The following GPAM variants were observed in gnomAD, a reference collection of about 807,000 sequenced individuals.
GPAM encodes the protein glycerol-3-phosphate acyltransferase 1, mitochondrial.
GPAM carries 56 observed loss-of-function variants against 105.0 expected under a neutral mutation model. The observed-to-expected ratio is 0.53, with a 90% CI of 0.43 to 0.67. The LOEUF (loss-of-function observed/expected upper bound fraction) is 0.67, where lower values mean the gene tolerates loss of function less well. GPAM is among the 30% of genes least tolerant of loss of function. GPAM has a pLI of 0.00. For synonymous variants in GPAM, 368 were observed against 354.4 expected (o/e 1.04, Z -0.43); for missense variants, 855 against 989.8 (o/e 0.86, Z 1.83).
rs1442356618 is a variant in GPAM, at chr10:112,207,268, G to A, written n.210+7900C>T. Among the ~76,000 whole-genome samples the A allele has an allele frequency of 7.9e-5, 12 of 152,192 alleles. 1 individual carries two copies. Among genetic ancestry groups the A allele is most frequent in the African/African-American group, 2.4e-4 (10 of 41,446 alleles). ...CACGAAAAGACTTATCTGATATATAGCACCTATAGGGCCAAGGTTGACCCA... is the reference window on the plus strand; with the variant it reads ...CACGAAAAGACTTATCTGATATATAACACCTATAGGGCCAAGGTTGACCCA... On this transcript the variant is annotated intron_variant and non_coding_transcript_variant, in intron 1 of 3. Coordinates refer to the GPAM transcript ENST00000480130.
chr10:112,218,548 G>A (rs1847992656), upstream of GPAM, among the ~76,000 whole-genome samples: 1 of 152,234 alleles, frequency 6.6e-6, no homozygotes, highest in Non-Finnish European at 1.5e-5. Flanking sequence ...GAGGGTTCTT[G>A]GTGCAAGAAA....
At chr10:112,172,777 T>C (rs1445137686) in intron 8 of GPAM, among the ~76,000 whole-genome samples, 193 bp downstream of exon 8, 1 of 152,214 alleles carries the variant, frequency 6.6e-6, no homozygotes, top group Admixed American at 6.5e-5. Flanking sequence ...GAATCCTGCA[T>C]ATTGCTAGTA....
In GPAM at chr10:112,159,988, G is replaced by A; in HGVS notation, c.1825C>T (p.Leu609=). 5 of 1,613,932 alleles carry A rather than the reference G, an allele frequency of 3.1e-6. No individual in the cohort carries two copies. The highest frequency in any genetic ancestry group is 4.2e-6 in the Non-Finnish European group (5 of 1,179,812). Residue 609 remains leucine, a synonymous_variant, in exon 17 of 22, where the codon CTG becomes TTG. Coordinates refer to ENST00000348367, the MANE Select transcript of GPAM (RefSeq NM_001244949.2). The stretch of plus-strand genomic sequence containing the variant: ...CGCACCAGCTGCTCCTGGCTGATCA[G>A]GTTAGGTGGGGTGCTAGTGGGACCC... The part of the protein sequence containing the change: ...LGGPTSTPPN[L]ISQEQLVRKA...
rs558064536 is a variant in GPAM at position 112,156,159 on chromosome 10, C to A, written c.2122-106G>T. ...AGAGCCAGTAACGTGAGAAGATGGC[C>A]ACTCACATCAGCACTACATGAAAGC... On this transcript the variant is annotated intron_variant, in intron 19 of 21. Coordinates refer to ENST00000348367, the MANE Select transcript of GPAM (RefSeq NM_001244949.2). 2.1e-5 allele frequency: 16 copies of A among 751,654 alleles called. No homozygotes were observed. In the African/African-American group the frequency reaches 2.7e-4, roughly 13 times the overall value. 46.6% of individuals were successfully genotyped at this position (751,654 alleles called of 1,614,324 possible). A position where few individuals can be genotyped will look rare whatever the true frequency, so the allele number is the denominator to read the frequency against.
intron 1 of GPAM, chr10:112,214,265 T>C (rs936281298): frequency 1.3e-5 from 2 of 152,230 alleles, no homozygotes; most frequent in African/African-American, 4.8e-5. Context: ...GCATGGTTAT[T>C]TCTTAACCTG....
Position 112,151,054 on chromosome 10 carries a change from A to T in GPAM, c.*2496T>A. 2 of 985,334 alleles carry T rather than the reference A, an allele frequency of 2.0e-6. No individual in the cohort carries two copies. Among genetic ancestry groups the T allele is most frequent in the Non-Finnish European group, 2.4e-6 (2 of 829,626 alleles). 61.0% of individuals were successfully genotyped at this position (985,334 alleles called of 1,614,324 possible). A position where few individuals can be genotyped will look rare whatever the true frequency, so the allele number is the denominator to read the frequency against. ...TGCACAACTTCCCTCCTCTCTTCTG[A>T]ATCACTTAGGACATTCTCATTTTCA... On this transcript the variant is annotated 3_prime_UTR_variant, in exon 22 of 22. Coordinates refer to ENST00000348367, the MANE Select transcript of GPAM (RefSeq NM_001244949.2).
At chr10:112,175,999 G>A (rs1847397358) in intron 5 of GPAM, among the ~76,000 whole-genome samples, 1 of 152,110 alleles carries the variant, frequency 6.6e-6, no homozygotes, top group Admixed American at 6.5e-5. Flanking sequence ...AGAACATCTG[G>A]CTTTATTAAT....
rs556439171 is a variant in GPAM at position 112,204,959 on chromosome 10, T to G, written n.210+10209A>C. Among the ~76,000 whole-genome samples the G allele has an allele frequency of 7.8e-5, 6 of 77,386 alleles. No homozygotes were observed. The South Asian group carries it at 3.6e-3, about 46-fold the overall frequency. 50.8% of individuals were successfully genotyped at this position (77,386 alleles called of 152,430 possible). A position where few individuals can be genotyped will look rare whatever the true frequency, so the allele number is the denominator to read the frequency against. On this transcript the variant is annotated intron_variant and non_coding_transcript_variant, in intron 1 of 3. Coordinates refer to the GPAM transcript ENST00000480130. ...AAATCTCCTTAAGCTGATAAGCAAC[T>G]TCAGCAAAGTCTCAGGATACAAAAT... is the stretch of plus-strand genomic sequence containing the variant.
chr10:112,188,102 A>G (rs1032698184), upstream of GPAM, among the ~76,000 whole-genome samples: 7 of 152,160 alleles, frequency 4.6e-5, no homozygotes, highest in East Asian at 3.8e-4. Context: ...ATCTCAAATT[A>G]TTTATCTCAG....
chr10:112,181,197 C>A (rs554496083), intron 3 of GPAM, among the ~76,000 whole-genome samples: 29 of 150,130 alleles, frequency 1.9e-4, no homozygotes, highest in South Asian at 1.1e-3. Flanking sequence ...AAAAAAAAAA[C>A]CCCACCATTT....
At chr10:112,167,717 G>C in intron 11 of GPAM, among the ~76,000 whole-genome samples, 1 of 152,236 alleles carries the variant, frequency 6.6e-6, no homozygotes, top group South Asian at 2.1e-4. Flanking sequence ...GATGATAGGA[G>C]AAGCACAAGG....
At position 112,181,810 on chromosome 10, in the gene GPAM, T is replaced by G; in HGVS notation, c.-26A>C. The G allele has an allele frequency of 7.8e-7, 1 of 1,285,434 alleles. No homozygotes were observed. The highest frequency in any genetic ancestry group is 1.1e-6 in the Non-Finnish European group (1 of 880,494). 79.6% of individuals were successfully genotyped at this position (1,285,434 alleles called of 1,614,324 possible). ...GTCACAAAGTGTAATTCCCAAATCA[T>G]GTGCTATAAAAAATAGGTACCATTT... On this transcript the variant is annotated 5_prime_UTR_variant, in exon 3 of 22. It removes an upstream start codon present in the reference 5' UTR. Coordinates refer to ENST00000348367, the MANE Select transcript of GPAM (RefSeq NM_001244949.2).
At chr10:112,211,591 T>G (rs1339014198) in intron 1 of GPAM, among the ~76,000 whole-genome samples, 2 of 152,190 alleles carry the variant, frequency 1.3e-5, no homozygotes, top group Non-Finnish European at 2.9e-5. Flanking sequence ...TATTTGTTTG[T>G]GTGATTTTTT....
intron 4 of GPAM, among the ~76,000 whole-genome samples, chr10:112,179,002 G>A (rs1185585985): frequency 6.6e-6 from 1 of 152,154 alleles, no homozygotes; most frequent in East Asian, 1.9e-4. Context: ...AAAGGTAACT[G>A]TTCCACACTT....
At chr10:112,186,018 T>C (rs548938628), upstream of GPAM, among the ~76,000 whole-genome samples, 244 of 151,960 alleles carry the variant, frequency 1.6e-3, no homozygotes, top group Admixed American at 3.1e-3. Context: ...AACTATAAAC[T>C]TATAAACCCA....
chr10:112,162,607 T>C (rs1180437387), intron 14 of GPAM, among the ~76,000 whole-genome samples: 1 of 152,208 alleles, frequency 6.6e-6, no homozygotes, highest in Non-Finnish European at 1.5e-5. Context: ...TCACCACTGG[T>C]AACTGAAGTC....
chr10:112,204,118 C>T (rs1235234254), intron 1 of GPAM, among the ~76,000 whole-genome samples: 1 of 152,202 alleles, frequency 6.6e-6, no homozygotes, highest in Non-Finnish European at 1.5e-5. Context: ...TCAGTGCCTC[C>T]AGGAGGAGCA....
rs777996952 is a variant in GPAM at position 112,155,855 on chromosome 10, TTAACA to T, written c.2311+4_2311+8del. ...AGATTTTAAAAGAATAAATAGTGAC[TTAACA>T]TACCATATACTGCAACATTTCTTTC... is the stretch of plus-strand genomic sequence containing the variant. On this transcript the variant is annotated splice_donor_5th_base_variant and intron_variant, in intron 20 of 21. Transcript: ENST00000348367. 6.6e-7 allele frequency: 1 copy of T among 1,504,416 alleles called. No individual in the cohort carries two copies. Among genetic ancestry groups the T allele is most frequent in the Non-Finnish European group, 9.2e-7 (1 of 1,081,380 alleles). 93.2% of individuals were successfully genotyped at this position (1,504,416 alleles called of 1,614,324 possible).
chr10:112,185,759 C>CGA (rs1239107152), upstream of GPAM, among the ~76,000 whole-genome samples: 1 of 151,680 alleles, frequency 6.6e-6, no homozygotes, highest in African/African-American at 2.4e-5. Context: ...GGTGACAGAG[C>CGA]GAGACTCTGT....
Sources: allele counts gnomAD v4.1 joint callset (sites outside exome capture counted in the v4.1 genomes callset), GRCh38; gene constraint gnomAD v4.1.1; transcripts MANE v1.5; gene names NCBI Gene and HGNC (gene_info 2026-07-23, HGNC 2026-07-21).